FOXP1: variants seen among roughly 807,000 people sequenced by gnomAD.
FOXP1 encodes the protein forkhead box protein P1.
In FOXP1, 15 loss-of-function variants were observed where a neutral mutation model predicts 98.2. The observed-to-expected ratio is 0.15, with a 90% CI of 0.10 to 0.24. The LOEUF is 0.24. FOXP1 is among the 10% of genes least tolerant of loss of function. The pLI, the probability that FOXP1 is intolerant of heterozygous loss-of-function variation, is 1.00. For missense variants in FOXP1, 633 were observed against 848.5 expected, an observed-to-expected ratio of 0.75 and a Z score of 3.15; for synonymous variants, 371 against 314.5, an observed-to-expected ratio of 1.18 and a Z score of -1.90.
rs368957128 is a variant in FOXP1 at position 70,972,623 on chromosome 3, G to A, written c.1584C>T (p.Asn528=). 40 of 1,613,882 alleles carry A rather than the reference G, an allele frequency of 2.5e-5. No homozygotes were observed. The highest frequency in any genetic ancestry group is 3.4e-5 in the Non-Finnish European group (40 of 1,179,914). Residue 528 remains asparagine, a synonymous_variant, in exon 18 of 21, where the codon AAC becomes AAT. Coordinates refer to ENST00000649528, the MANE Select transcript of FOXP1 (RefSeq NM_001349338.3). ...SLHKCFVRVE[N]VKGAVWTVDE... ...CCACTGTCCATACTGCCCCTTTAAC[G>A]TTTTCTACTCGCACAAAACACTTGT...
intron 2 of FOXP1, among the ~76,000 whole-genome samples, chr3:71,532,582 G>A (rs1403831102): frequency 6.6e-6 from 1 of 152,094 alleles, no homozygotes; most frequent in Non-Finnish European, 1.5e-5. Flanking sequence ...CCTTAAGGTA[G>A]GAAATTTTTA....
At chr3:71,040,645 C>A (rs983766681) in intron 11 of FOXP1, among the ~76,000 whole-genome samples, 1 of 152,100 alleles carries the variant, frequency 6.6e-6, no homozygotes, top group Non-Finnish European at 1.5e-5. Flanking sequence ...CAGGGCAATT[C>A]AAAAATAAAA....
At chr3:71,083,878 A>G (rs893563468) in intron 7 of FOXP1, among the ~76,000 whole-genome samples, 1 of 152,204 alleles carries the variant, frequency 6.6e-6, no homozygotes, top group African/African-American at 2.4e-5. Flanking sequence ...TTGCATGGGA[A>G]AAAGTCTTGA....
rs562491596 is a variant in FOXP1 at position 71,144,874 on chromosome 3, T to C, written c.181-32237A>G. On this transcript the variant is annotated intron_variant, in intron 6 of 20. Coordinates refer to ENST00000649528, the MANE Select transcript of FOXP1 (RefSeq NM_001349338.3). Reference sequence around the variant, plus strand: ...ACCCCTGGCCCCGGGCAACCACTGATGGAGTCTCTATCACTGTTTTGTCTT... The same window carrying C: ...ACCCCTGGCCCCGGGCAACCACTGACGGAGTCTCTATCACTGTTTTGTCTT... Among the ~76,000 whole-genome samples, 18 of 152,326 alleles carry C rather than the reference T, an allele frequency of 1.2e-4. No individual in the cohort carries two copies. In the South Asian group the frequency reaches 3.5e-3, roughly 30 times the overall value.
At chr3:71,484,966 A>C (rs1305375943) in intron 3 of FOXP1, among the ~76,000 whole-genome samples, 1 of 152,354 alleles carries the variant, frequency 6.6e-6, no homozygotes, top group East Asian at 1.9e-4. Flanking sequence ...TACATACTCA[A>C]CTATGACAAC....
At chr3:71,488,996 C>A (rs942492544) in intron 3 of FOXP1, among the ~76,000 whole-genome samples, 81 of 152,288 alleles carry the variant, frequency 5.3e-4, no homozygotes, top group Middle Eastern at 6.8e-3. Context: ...CGTGGGCTGG[C>A]CCCCTGACAG....
At chr3:71,361,548 G>A (rs1018519038) in intron 3 of FOXP1, among the ~76,000 whole-genome samples, 6 of 152,168 alleles carry the variant, frequency 3.9e-5, no homozygotes, top group Non-Finnish European at 7.3e-5. Context: ...TGCAGGTTTG[G>A]CAAACACAGT....
intron 4 of FOXP1, among the ~76,000 whole-genome samples, chr3:71,352,500 A>C (rs2077864904): frequency 6.7e-6 from 1 of 149,262 alleles, no homozygotes; most frequent in Non-Finnish European, 1.5e-5. Flanking sequence ...AAAACACAAC[A>C]GGCTACGAGG....
At chr3:71,532,678 G>A (rs2043954595) in intron 2 of FOXP1, among the ~76,000 whole-genome samples, 1 of 152,100 alleles carries the variant, frequency 6.6e-6, no homozygotes, top group South Asian at 2.1e-4. Context: ...AGACAAGGTG[G>A]GGCCTCCCTC....
intron 5 of FOXP1, among the ~76,000 whole-genome samples, chr3:71,224,590 C>A (rs921329272): frequency 6.6e-6 from 1 of 152,152 alleles, no homozygotes; most frequent in African/African-American, 2.4e-5. Context: ...AGCAAAAAAC[C>A]AGTGAGACTG....
chr3:71,219,976 C>T lies in FOXP1; in HGVS notation c.-11-21584G>A, dbSNP rs1481653345. Among the ~76,000 whole-genome samples, 5 of 152,342 alleles carry T rather than the reference C, an allele frequency of 3.3e-5. No individual in the cohort carries two copies. The East Asian group carries it at 7.7e-4, about 24-fold the overall frequency. Reference sequence around the variant, plus strand: ...CCAAGGCCTTTCTGTCTCTACCTCTCCGCCTCCACCATGAACCCTGGTGGG... The same window carrying T: ...CCAAGGCCTTTCTGTCTCTACCTCTTCGCCTCCACCATGAACCCTGGTGGG... On this transcript the variant is annotated intron_variant, in intron 5 of 20. Coordinates refer to ENST00000649528, the MANE Select transcript of FOXP1 (RefSeq NM_001349338.3).
rs2082431103 is a variant in FOXP1 at position 71,407,464 on chromosome 3, T to TA, written c.-167-48221dup. On this transcript the variant is annotated intron_variant, in intron 3 of 20. Coordinates refer to ENST00000649528, the MANE Select transcript of FOXP1 (RefSeq NM_001349338.3). ...GAGTTACATTATGCACCATATTATG[T>TA]AATTATCTTTTCAATTTATTACTCC... is the stretch of plus-strand genomic sequence containing the variant. 2.6e-5 allele frequency among the ~76,000 whole-genome samples: 4 copies of TA among 152,346 alleles called. No homozygotes were observed. In the South Asian group the frequency reaches 8.3e-4, roughly 32 times the overall value.
intron 5 of FOXP1, among the ~76,000 whole-genome samples, chr3:71,203,156 T>C (rs1052925612): frequency 6.6e-6 from 1 of 152,228 alleles, no homozygotes; most frequent in African/African-American, 2.4e-5. Flanking sequence ...TGCTTTCCTG[T>C]GTGGCATCTC....
chr3:71,143,283 A>G (rs1419442932), intron 6 of FOXP1, among the ~76,000 whole-genome samples: 1 of 152,246 alleles, frequency 6.6e-6, no homozygotes, highest in Non-Finnish European at 1.5e-5. Flanking sequence ...TTGGCTAGAA[A>G]AGAGAAGAAG....
At chr3:71,372,075 C>G (rs942728890) in intron 3 of FOXP1, among the ~76,000 whole-genome samples, 1 of 151,234 alleles carries the variant, frequency 6.6e-6, no homozygotes, top group African/African-American at 2.4e-5. Flanking sequence ...TGCAGTGGCA[C>G]GATCTCAGCT....
intron 12 of FOXP1, among the ~76,000 whole-genome samples, chr3:71,004,094 C>A (rs1012988997): frequency 6.6e-6 from 1 of 151,940 alleles, no homozygotes; most frequent in Non-Finnish European, 1.5e-5. Context: ...TACATCCCCC[C>A]CCAAGTTCAG....
At chr3:71,148,166 C>A (rs2108044944) in intron 6 of FOXP1, among the ~76,000 whole-genome samples, 1 of 152,312 alleles carries the variant, frequency 6.6e-6, no homozygotes, top group Middle Eastern at 3.4e-3. Flanking sequence ...CACCTGAGGT[C>A]AGGAGTTCGA....
intron 3 of FOXP1, among the ~76,000 whole-genome samples, chr3:71,426,159 C>G (rs2084135477): frequency 6.6e-6 from 1 of 152,160 alleles, no homozygotes; most frequent in Non-Finnish European, 1.5e-5. Flanking sequence ...TCTGGAAATG[C>G]AGGTAGGTCT....
chr3:71,302,059 C>T (rs1438198630), intron 4 of FOXP1, among the ~76,000 whole-genome samples: 3 of 152,160 alleles, frequency 2.0e-5, no homozygotes. Flanking sequence ...TATCTTTCTC[C>T]ATTTTGAAGT....
Sources: gnomAD v4.1 joint callset for allele counts (sites outside exome capture counted in the v4.1 genomes callset) on GRCh38, gnomAD v4.1.1 for gene constraint, MANE v1.5 for transcripts, NCBI Gene and HGNC (gene_info 2026-07-23, HGNC 2026-07-21) for gene names.